ATP11A: variants seen among roughly 807,000 people sequenced by gnomAD.
The protein encoded by ATP11A is phospholipid-transporting ATPase IH.
Under a neutral mutation model 154.4 loss-of-function variants are expected in ATP11A, and 81 were observed. That is an observed-to-expected ratio of 0.52 (90% CI 0.44 to 0.63). The LOEUF (loss-of-function observed/expected upper bound fraction) is 0.63. ATP11A is among the 30% of genes least tolerant of loss of function. ATP11A has a pLI of 0.00. For missense variants in ATP11A, 1,316 were observed against 1,474.3 expected (o/e 0.89, Z 1.76); for synonymous variants, 623 against 585.9 (o/e 1.06, Z -0.91).
In ATP11A at chr13:112,838,394, C is replaced by T. The variant is rs1426034076; in HGVS notation, c.1705+2143C>T. On this transcript the variant is annotated intron_variant, in intron 16 of 29. Coordinates refer to ENST00000375645, the MANE Select transcript of ATP11A (RefSeq NM_015205.3). The surrounding 1 kb of genome is among the most constrained non-coding windows in gnomAD (Gnocchi z 7.3). ...CGGGGCTGACTCACGTGGTTTTCCC[C>T]GTAGCAGTCGAATCTAGCTGTTGAG... Among the ~76,000 whole-genome samples, 12 of 152,024 alleles carry T rather than the reference C, an allele frequency of 7.9e-5. No homozygotes were observed. The highest frequency in any genetic ancestry group is 7.9e-4 in the Admixed American group (12 of 15,260).
rs148382237 is a variant in ATP11A at position 112,714,639 on chromosome 13, T to C, written c.39+24184T>C. On this transcript the variant is annotated intron_variant, in intron 1 of 29. Coordinates refer to ENST00000375645, the MANE Select transcript of ATP11A (RefSeq NM_015205.3). Reference sequence around the variant, plus strand: ...CGCGTTCTGCGTGATGAGACTGTTATGGAGACGCAAGAGAATGTGAAGGTG... The same window carrying C: ...CGCGTTCTGCGTGATGAGACTGTTACGGAGACGCAAGAGAATGTGAAGGTG... 8.7e-3 allele frequency among the ~76,000 whole-genome samples: 1,323 copies of C among 152,340 alleles called. 17 individuals carry two copies. The highest frequency in any genetic ancestry group is 0.016 in the Non-Finnish European group (1,088 of 68,038).
At chr13:112,726,705 C>G (rs2139667073) in intron 1 of ATP11A, among the ~76,000 whole-genome samples, 1 of 152,302 alleles carries the variant, frequency 6.6e-6, no homozygotes, top group Admixed American at 6.5e-5. Context: ...ATTGCTTTTG[C>G]AATTTGAAGG....
At chr13:112,788,928 G>C (rs1315028165) in intron 2 of ATP11A, among the ~76,000 whole-genome samples, 1 of 151,898 alleles carries the variant, frequency 6.6e-6, no homozygotes, top group Admixed American at 6.6e-5. Flanking sequence ...CTGATATGTA[G>C]ATCCCTGTGG....
chr13:112,818,296 T>C (rs2078703160), intron 6 of ATP11A, among the ~76,000 whole-genome samples: 2 of 148,290 alleles, frequency 1.3e-5, no homozygotes, highest in African/African-American at 5.1e-5. Flanking sequence ...TGACAGGCGA[T>C]GACCGTTGGT....
intron 1 of ATP11A, among the ~76,000 whole-genome samples, chr13:112,692,659 ATAT>A (rs1232614328): frequency 6.6e-6 from 1 of 152,108 alleles, no homozygotes; most frequent in African/African-American, 2.4e-5. Context: ...TTGTGGGATA[ATAT>A]TATTTCTGTT....
chr13:112,732,304 G>C (rs1002338162), intron 1 of ATP11A, among the ~76,000 whole-genome samples: 2 of 152,210 alleles, frequency 1.3e-5, no homozygotes, highest in African/African-American at 4.8e-5. Flanking sequence ...GCATAAAAAT[G>C]TAAGAATATA....
Position 112,753,938 on chromosome 13 carries a change from C to T in ATP11A, c.40-31197C>T, listed in dbSNP as rs544277543. ...GCCATCTATGTTCTTCCTGGGGCAT[C>T]ATTTGAGCTCATTACGTGGACACCG... On this transcript the variant is annotated intron_variant, in intron 1 of 29. Transcript: ENST00000375645. The surrounding 1 kb of genome is among the most constrained non-coding windows in gnomAD (Gnocchi z 4.1). 1.2e-4 allele frequency among the ~76,000 whole-genome samples: 18 copies of T among 152,346 alleles called. No individual in the cohort carries two copies. The highest frequency in any genetic ancestry group is 3.8e-4 in the African/African-American group (16 of 41,574).
chr13:112,698,083 G>T (rs902362217), intron 1 of ATP11A, among the ~76,000 whole-genome samples: 1 of 152,146 alleles, frequency 6.6e-6, no homozygotes, highest in Non-Finnish European at 1.5e-5. Flanking sequence ...CTGCACGGGC[G>T]CACTCAGCAG....
rs976217883 is a variant in ATP11A, at chr13:112,876,110, A to C, written c.3327+169A>C. The stretch of plus-strand genomic sequence containing the variant: ...GTGCATGATGTTAAACATCAGGTAC[A>C]TTTGCGATGACCGATGTCTAATTTT... On this transcript the variant is annotated intron_variant, in intron 28 of 29. Transcript: ENST00000375645. 6.1e-5 allele frequency: 37 copies of C among 601,654 alleles called. No individual in the cohort carries two copies. The Admixed American group carries it at 6.3e-4, about 10-fold the overall frequency. The allele number at this position is 601,654 out of a possible 1,614,324, so 37.3% of individuals were successfully genotyped here. A position where few individuals can be genotyped will look rare whatever the true frequency, so the allele number is the denominator to read the frequency against.
intron 11 of ATP11A, among the ~76,000 whole-genome samples, chr13:112,826,248 A>C (rs868317790): frequency 6.6e-6 from 1 of 152,220 alleles, no homozygotes; most frequent in South Asian, 2.1e-4. Flanking sequence ...CACAAAACTA[A>C]CATGGCCCCA....
intron 1 of ATP11A, among the ~76,000 whole-genome samples, chr13:112,739,857 G>A (rs1192532962): frequency 6.6e-6 from 1 of 152,196 alleles, no homozygotes; most frequent in Non-Finnish European, 1.5e-5. Context: ...ATGATGCTAA[G>A]TGAAGGAAGC....
intron 1 of ATP11A, among the ~76,000 whole-genome samples, chr13:112,780,065 G>A (rs188173331): frequency 3.6e-4 from 54 of 152,014 alleles, no homozygotes; most frequent in African/African-American, 1.3e-3. Context: ...CAAGGTGACT[G>A]TTAGGTTTCT....
chr13:112,860,268 T>C lies in ATP11A; in HGVS notation c.2728-19T>C. ...AACAATGCACTGAGGTGCCACTTCT[T>C]GTGACTTTCCTCTTACAGACTTTGT... On this transcript the variant is annotated intron_variant, in intron 23 of 29. Transcript: ENST00000375645. The C allele has an allele frequency of 6.2e-7, 1 of 1,607,276 alleles. No homozygotes were observed. The highest frequency in any genetic ancestry group is 1.1e-5 in the South Asian group (1 of 90,676).
intron 1 of ATP11A, among the ~76,000 whole-genome samples, chr13:112,711,921 G>C (rs1887802690): frequency 6.6e-6 from 1 of 152,204 alleles, no homozygotes; most frequent in Admixed American, 6.5e-5. Flanking sequence ...GATAAGGAGC[G>C]GGTGGAGGGG....
intron 2 of ATP11A, among the ~76,000 whole-genome samples, chr13:112,798,949 GT>G (rs2078066656): frequency 1.3e-5 from 2 of 152,142 alleles, no homozygotes; most frequent in Non-Finnish European, 2.9e-5. Flanking sequence ...AAAAACACGG[GT>G]TTAAGAGATA....
At chr13:112,777,814 G>A (rs1429919543) in intron 1 of ATP11A, among the ~76,000 whole-genome samples, 3 of 151,834 alleles carry the variant, frequency 2.0e-5, no homozygotes, top group Non-Finnish European at 4.4e-5. Flanking sequence ...TTCCTCCCCC[G>A]TGGGCTCCAT....
At chr13:112,796,704 C>T (rs543918116) in intron 2 of ATP11A, among the ~76,000 whole-genome samples, 1 of 152,338 alleles carries the variant, frequency 6.6e-6, no homozygotes, top group African/African-American at 2.4e-5. Context: ...GAAACTCATA[C>T]ACCTGTCCTA....
intron 1 of ATP11A, among the ~76,000 whole-genome samples, chr13:112,760,870 T>C (rs2076946307): frequency 6.6e-6 from 1 of 152,352 alleles, no homozygotes; most frequent in South Asian, 2.1e-4. Context: ...CAGGACTTTT[T>C]AGATGTTGTT....
At chr13:112,713,305 G>A (rs1442998097) in intron 1 of ATP11A, among the ~76,000 whole-genome samples, 1 of 152,206 alleles carries the variant, frequency 6.6e-6, no homozygotes, top group Non-Finnish European at 1.5e-5. Flanking sequence ...TGAGACAGGA[G>A]AATTGCTTGA....
Sources: gnomAD v4.1 joint callset for allele counts (sites outside exome capture counted in the v4.1 genomes callset) on GRCh38, gnomAD v4.1.1 for gene constraint, Gnocchi (gnomAD v3.1) non-coding constraint, MANE v1.5 for transcripts, NCBI Gene and HGNC (gene_info 2026-07-23, HGNC 2026-07-21) for gene names.